The following SGCZ variants were observed in gnomAD, a reference collection of about 807,000 sequenced individuals.
The protein encoded by SGCZ is zeta-sarcoglycan.
A neutral mutation model predicts 41.3 loss-of-function variants in SGCZ; 40 were observed. The ratio of observed to expected loss-of-function variants is 0.97; its 90% CI spans 0.75 to 1.26. SGCZ has a LOEUF of 1.26. SGCZ is among the 50% of genes most tolerant of loss of function. The pLI, the probability that SGCZ is intolerant of heterozygous loss-of-function variation, is 0.00. For missense variants in SGCZ, 552 were observed against 369.8 expected (o/e 1.49, Z -4.04); for synonymous variants, 206 against 137.5 (o/e 1.50, Z -3.49).
At chr8:14,526,172 C>G (rs1390882604) in intron 2 of SGCZ, among the ~76,000 whole-genome samples, 2 of 152,090 alleles carry the variant, frequency 1.3e-5, no homozygotes, top group African/African-American at 4.8e-5. Flanking sequence ...AATTTAGCAA[C>G]CATAATTTCT....
intron 4 of SGCZ, among the ~76,000 whole-genome samples, chr8:14,228,896 A>G (rs1458319397): frequency 6.6e-6 from 1 of 152,174 alleles, no homozygotes; most frequent in African/African-American, 2.4e-5. Context: ...ATTTTACCAG[A>G]TTAGCTACCC....
chr8:15,032,615 C>A (rs547851361), intron 1 of SGCZ, among the ~76,000 whole-genome samples: 1 of 152,128 alleles, frequency 6.6e-6, no homozygotes, highest in East Asian at 1.9e-4. Context: ...ACTGGGCTGA[C>A]CCCAGAAACT....
intron 1 of SGCZ, among the ~76,000 whole-genome samples, chr8:15,208,900 T>TAGAGAGAG (rs758727806): frequency 7.7e-6 from 1 of 129,264 alleles, no homozygotes; most frequent in Non-Finnish European, 1.7e-5. Flanking sequence ...TATACATATA[T>TAGAGAGAG]ATAGAGAGAG....
chr8:14,231,202 GGA>G (rs1299040025), intron 4 of SGCZ, among the ~76,000 whole-genome samples: 6 of 56,700 alleles, frequency 1.1e-4, no homozygotes, highest in African/African-American at 2.8e-4. Context: ...TGTGTAGTGG[GGA>G]GAGAGAGGGG....
At chr8:14,818,769 A>G (rs1025468955) in intron 1 of SGCZ, among the ~76,000 whole-genome samples, 8 of 152,094 alleles carry the variant, frequency 5.3e-5, no homozygotes, top group African/African-American at 9.7e-5. Context: ...GAAGAATTCT[A>G]TGAAGGAAAT....
chr8:14,973,807 T>G (rs1801378212), intron 1 of SGCZ, among the ~76,000 whole-genome samples: 1 of 152,200 alleles, frequency 6.6e-6, no homozygotes, highest in Non-Finnish European at 1.5e-5. Context: ...GAATTCTGAA[T>G]GTCTTTAATA....
intron 1 of SGCZ, among the ~76,000 whole-genome samples, chr8:14,802,186 G>A (rs1029641970): frequency 6.6e-6 from 1 of 152,130 alleles, no homozygotes; most frequent in African/African-American, 2.4e-5. Context: ...GAAAACCTTG[G>A]AGTCAGCTAC....
chr8:14,440,703 A>ACG (rs1800227283), intron 2 of SGCZ, among the ~76,000 whole-genome samples: 2 of 86,584 alleles, frequency 2.3e-5, no homozygotes, highest in Admixed American at 1.3e-4. Context: ...ATATGTATAT[A>ACG]TGTATATACA....
rs917948159 is a variant in SGCZ, at chr8:14,085,241, A to G, written c.*5202T>C. On this transcript the variant is annotated 3_prime_UTR_variant, in exon 8 of 8. Coordinates refer to ENST00000382080, the MANE Select transcript of SGCZ (RefSeq NM_139167.4). ...ACAAACATGTTGCATAGTATGTGTA[A>G]GAAAATAGTTCCATTTTTCATATAT... Among the ~76,000 whole-genome samples, 3 of 151,812 alleles carry G rather than the reference A, an allele frequency of 2.0e-5. No homozygotes were observed. Among genetic ancestry groups the G allele is most frequent in the African/African-American group, 7.2e-5 (3 of 41,410 alleles).
At chr8:15,005,328 C>CTTTTTTT (rs10603664) in intron 1 of SGCZ, among the ~76,000 whole-genome samples, 248 of 78,574 alleles carry the variant, frequency 3.2e-3, no homozygotes, top group Middle Eastern at 8.8e-3. Flanking sequence ...TTTTCTTTTT[C>CTTTTTTT]TTTTTTTTTT....
At chr8:14,878,322 A>G (rs1019215654) in intron 1 of SGCZ, among the ~76,000 whole-genome samples, 2 of 151,934 alleles carry the variant, frequency 1.3e-5, no homozygotes, top group East Asian at 1.9e-4. Flanking sequence ...AACAAATGCC[A>G]TCTATAACTT....
chr8:14,341,192 G>A (rs541125770), intron 2 of SGCZ, among the ~76,000 whole-genome samples: 2 of 152,214 alleles, frequency 1.3e-5, no homozygotes, highest in South Asian at 4.2e-4. Context: ...GAGCACTTGG[G>A]TTGCAACCTT....
At chr8:14,264,994 AAC>A (rs1023492440) in intron 3 of SGCZ, among the ~76,000 whole-genome samples, 4 of 152,086 alleles carry the variant, frequency 2.6e-5, no homozygotes, top group Non-Finnish European at 4.4e-5. Flanking sequence ...AACACAAAAA[AAC>A]AAAAAAACAC....
chr8:15,048,815 T>A (rs73522815), intron 1 of SGCZ, among the ~76,000 whole-genome samples: 6,301 of 152,168 alleles, frequency 0.041, 151 homozygotes, highest in Non-Finnish European at 0.056. Context: ...GTTGTTTTTT[T>A]AACGTAAGAA....
chr8:14,316,034 A>C (rs1801704471), intron 3 of SGCZ, among the ~76,000 whole-genome samples: 2 of 151,882 alleles, frequency 1.3e-5, no homozygotes, highest in African/African-American at 4.8e-5. Flanking sequence ...TCATACAAAA[A>C]TTAGAAAATT....
At chr8:14,557,075 C>A (rs1054527636) in intron 1 of SGCZ, among the ~76,000 whole-genome samples, 2 of 151,948 alleles carry the variant, frequency 1.3e-5, no homozygotes, top group Admixed American at 6.6e-5. Flanking sequence ...TCCTTTTTCA[C>A]TGCATCTACA....
rs147598880 is a variant in SGCZ at position 15,182,383 on chromosome 8, G to T, written c.39+55202C>A. 4.1e-3 allele frequency among the ~76,000 whole-genome samples: 623 copies of T among 152,116 alleles called. 2 individuals carry two copies. Among genetic ancestry groups the T allele is most frequent in the Admixed American group, 8.2e-3 (125 of 15,268 alleles). On this transcript the variant is annotated intron_variant, in intron 1 of 7. Transcript: ENST00000382080. ...TTTTTCATTGTGAAAACAACATAGG[G>T]TATACTTAAGCACACACCTAGATAA...
At chr8:14,385,396 T>G (rs983096699) in intron 2 of SGCZ, among the ~76,000 whole-genome samples, 1 of 152,126 alleles carries the variant, frequency 6.6e-6, no homozygotes, top group East Asian at 1.9e-4. Flanking sequence ...GGTCAAGCAA[T>G]TAAAACCATT....
intron 1 of SGCZ, among the ~76,000 whole-genome samples, chr8:14,723,702 A>G (rs1809962514): frequency 6.6e-6 from 1 of 152,090 alleles, no homozygotes; most frequent in Non-Finnish European, 1.5e-5. Flanking sequence ...CTATGCATAT[A>G]TATGCATACA....
Sources: allele counts gnomAD v4.1 joint callset (sites outside exome capture counted in the v4.1 genomes callset), GRCh38; gene constraint gnomAD v4.1.1; transcripts MANE v1.5; gene names NCBI Gene and HGNC (gene_info 2026-07-23, HGNC 2026-07-21).